Variants in ORC2 observed in about 807,000 individuals in gnomAD.
ORC2 encodes the protein origin recognition complex protein 2 homolog.
Under a neutral mutation model 77.7 loss-of-function variants are expected in ORC2, and 37 were observed. That is an observed-to-expected ratio of 0.48 (90% confidence interval 0.37 to 0.63). The LOEUF (loss-of-function observed/expected upper bound fraction) is 0.63. ORC2 is among the 20% of genes least tolerant of loss of function. The pLI is 0.00. For synonymous variants in ORC2, 201 were observed against 229.5 expected (o/e 0.88, Z 1.12); for missense variants, 557 against 661.9 (o/e 0.84, Z 1.74).
At chr2:200,946,832 T>C (rs1049633131) in intron 5 of ORC2, among the ~76,000 whole-genome samples, 5 of 152,180 alleles carry the variant, frequency 3.3e-5, no homozygotes, top group African/African-American at 1.2e-4. Context: ...TTCTAATTAT[T>C]ACATCAGCAT....
chr2:200,958,701 A>G (rs1196722191), intron 2 of ORC2, among the ~76,000 whole-genome samples: 5 of 152,212 alleles, frequency 3.3e-5, no homozygotes, highest in African/African-American at 1.2e-4. Flanking sequence ...GGCTTTCTAG[A>G]TATCTTGGTA....
At chr2:200,950,909 T>C (rs1247307783) in intron 4 of ORC2, among the ~76,000 whole-genome samples, 1 of 152,242 alleles carries the variant, frequency 6.6e-6, no homozygotes, top group Non-Finnish European at 1.5e-5. Flanking sequence ...TAAATTTGTA[T>C]TTCCTTAATC....
At chr2:200,956,067 CTT>C (rs1012370946) in intron 4 of ORC2, among the ~76,000 whole-genome samples, 1 of 151,914 alleles carries the variant, frequency 6.6e-6, no homozygotes, top group African/African-American at 2.4e-5. Context: ...ATATAAATAT[CTT>C]TTTTTTGTTC....
intron 13 of ORC2, among the ~76,000 whole-genome samples, chr2:200,922,644 T>C (rs1279791331): frequency 1.3e-5 from 2 of 152,028 alleles, no homozygotes; most frequent in Non-Finnish European, 2.9e-5. Context: ...GATTCTGAGA[T>C]GACACATTGT....
At chr2:200,925,016 T>C (rs1417220134) in intron 13 of ORC2, among the ~76,000 whole-genome samples, 1 of 152,222 alleles carries the variant, frequency 6.6e-6, no homozygotes, top group Admixed American at 6.5e-5. Context: ...GAGCTCGGCC[T>C]CCCAAAGTGC....
intron 4 of ORC2, among the ~76,000 whole-genome samples, chr2:200,956,421 T>C (rs2041465120): frequency 6.6e-6 from 1 of 152,086 alleles, no homozygotes; most frequent in Non-Finnish European, 1.5e-5. Flanking sequence ...ACTCAAGCGA[T>C]CAATCTGCTT....
chr2:200,950,718 A>T (rs1295734377), intron 4 of ORC2, among the ~76,000 whole-genome samples: 1 of 152,186 alleles, frequency 6.6e-6, no homozygotes, highest in African/African-American at 2.4e-5. Flanking sequence ...TTTCATTTAA[A>T]TATATGTAAT....
intron 9 of ORC2, among the ~76,000 whole-genome samples, chr2:200,935,402 C>A (rs1382298145): frequency 2.0e-5 from 3 of 152,204 alleles, no homozygotes; most frequent in African/African-American, 7.2e-5. Context: ...GGATTACAGG[C>A]ATGAGCCACT....
At chr2:200,963,143 T>C (rs1473930320) in intron 1 of ORC2, 1 of 274,634 alleles carries the variant, frequency 3.6e-6, no homozygotes, top group Non-Finnish European at 6.8e-6. Flanking sequence ...TAGGTTAGTA[T>C]CAGGCGTCCC....
chr2:200,924,650 C>T (rs2040813823), intron 13 of ORC2, among the ~76,000 whole-genome samples: 1 of 152,154 alleles, frequency 6.6e-6, no homozygotes, highest in Non-Finnish European at 1.5e-5. Flanking sequence ...TTCCAATTTT[C>T]TGACATACTC....
intron 7 of ORC2, among the ~76,000 whole-genome samples, chr2:200,939,983 A>G (rs914120719): frequency 6.6e-6 from 1 of 152,246 alleles, no homozygotes; most frequent in Non-Finnish European, 1.5e-5. Flanking sequence ...ACTTGTCTAA[A>G]TAGGACATTC....
At chr2:200,942,048 G>A (rs1056482129) in intron 6 of ORC2, among the ~76,000 whole-genome samples, 4 of 151,866 alleles carry the variant, frequency 2.6e-5, no homozygotes, top group Non-Finnish European at 4.4e-5. Context: ...GACACAATGC[G>A]GTGTGCTTAT....
chr2:200,925,927 CA>C lies in ORC2; in HGVS notation c.1055del (p.Leu352ArgfsTer4). ...FFPGISVKSV[L>X]NSITEEVLDH... is the part of the protein sequence containing the mutation. The stretch of plus-strand genomic sequence containing the variant: ...CGAGGACTTCTTCTGTTATAGAATT[CA>C]GGACCTATATCATGAATGTGGAAGA... On this transcript the variant is annotated frameshift_variant, in exon 13 of 18. Coordinates refer to ENST00000234296, the MANE Select transcript of ORC2 (RefSeq NM_006190.5). LOFTEE classifies it high-confidence loss of function. The C allele has an allele frequency of 6.6e-7, 1 of 1,524,098 alleles. No homozygotes were observed. Among genetic ancestry groups the C allele is most frequent in the Non-Finnish European group, 9.0e-7 (1 of 1,105,362 alleles). 94.4% of individuals were successfully genotyped at this position (1,524,098 alleles called of 1,614,324 possible).
chr2:200,933,424 T>C (rs546436856), intron 10 of ORC2, among the ~76,000 whole-genome samples: 100 of 152,186 alleles, frequency 6.6e-4, no homozygotes, highest in African/African-American at 2.3e-3. Context: ...TGAATACATA[T>C]AGGTTAAATG....
rs16835992 is a variant in ORC2, at chr2:200,935,903, A to G, written c.515-11T>C. 3.4e-4 allele frequency: 541 copies of G among 1,605,326 alleles called. No homozygotes were observed. The African/African-American group carries it at 5.5e-3, about 16-fold the overall frequency. ...AATGAGACCTTGGAACTGTGGGGGGAAAAATAGCAATTTGGACAATTTCAT... is the reference window on the plus strand; with the variant it reads ...AATGAGACCTTGGAACTGTGGGGGGGAAAATAGCAATTTGGACAATTTCAT... On this transcript the variant is annotated splice_polypyrimidine_tract_variant and intron_variant, in intron 8 of 17. Coordinates refer to ENST00000234296, the MANE Select transcript of ORC2 (RefSeq NM_006190.5).
At chr2:200,958,461 A>C (rs16836213) in intron 2 of ORC2, among the ~76,000 whole-genome samples, 1 of 152,202 alleles carries the variant, frequency 6.6e-6, no homozygotes, top group African/African-American at 2.4e-5. Flanking sequence ...CAATCCAGAT[A>C]AGCACATTAA....
Position 200,957,419 on chromosome 2 carries a change from T to C in ORC2, c.220A>G (p.Met74Val). ...VLKDQNYVEI[M>V]GRDVQESLKN... ...CAAATACCTTGAACATCTCTTCCCA[T>C]AATTTCCACATAGTTCTGATCTTTT... Residue 74 changes from methionine to valine, a missense_variant, in exon 4 of 18, where the codon ATG (methionine) becomes GTG (valine). Physicochemically the swap from Met to Val is conservative, Grantham distance 21. Coordinates refer to ENST00000234296, the MANE Select transcript of ORC2 (RefSeq NM_006190.5). 1 of 1,596,186 alleles carries C rather than the reference T, an allele frequency of 6.3e-7. No homozygotes were observed. The highest frequency in any genetic ancestry group is 8.5e-7 in the Non-Finnish European group (1 of 1,172,442).
At chr2:200,925,002 C>T (rs1012343180) in intron 13 of ORC2, among the ~76,000 whole-genome samples, 2 of 152,186 alleles carry the variant, frequency 1.3e-5, no homozygotes, top group Non-Finnish European at 2.9e-5. Flanking sequence ...TCAGGTGACC[C>T]ACTGAGCTCG....
chr2:200,953,384 C>T (rs765774320), intron 4 of ORC2, among the ~76,000 whole-genome samples: 6 of 150,200 alleles, frequency 4.0e-5, no homozygotes, highest in Admixed American at 4.0e-4. Context: ...ATAAAACCAC[C>T]GCCTCATATC....
Sources: allele counts gnomAD v4.1 joint callset (sites outside exome capture counted in the v4.1 genomes callset), GRCh38; gene constraint gnomAD v4.1.1; transcripts MANE v1.5; gene names NCBI Gene and HGNC (gene_info 2026-07-23, HGNC 2026-07-21).